Variants in TAFA2 observed in about 807,000 individuals in gnomAD.
TAFA2 encodes chemokine-like protein TAFA-2.
Under a neutral mutation model 18.8 loss-of-function variants are expected in TAFA2, and 7 were observed. That is an observed-to-expected ratio of 0.37 (90% CI 0.21 to 0.70). The LOEUF (loss-of-function observed/expected upper bound fraction) is 0.70, where lower values mean the gene tolerates loss of function less well. Ranked by LOEUF, TAFA2 falls within the 30% of genes least tolerant of loss-of-function variation. The probability of loss-of-function intolerance (pLI) is 0.53; values close to 1 mark genes in which losing one functional copy is unlikely to be tolerated. For synonymous variants in TAFA2, 60 were observed against 54.2 expected, an observed-to-expected ratio of 1.11 and a Z score of -0.47; for missense variants, 122 against 158.1, an observed-to-expected ratio of 0.77 and a Z score of 1.23.
chr12:62,155,049 A>C (rs1006206081), intron 1 of TAFA2, among the ~76,000 whole-genome samples: 2 of 152,126 alleles, frequency 1.3e-5, no homozygotes, highest in East Asian at 3.9e-4. Context: ...GAAACCCCTA[A>C]AGACTCCTCC....
At chr12:61,853,685 C>T (rs1267823960) in intron 2 of TAFA2, among the ~76,000 whole-genome samples, 1 of 152,156 alleles carries the variant, frequency 6.6e-6, no homozygotes, top group Non-Finnish European at 1.5e-5. Flanking sequence ...CATCATTCCA[C>T]ATCAGTGTGT....
chr12:61,806,495 C>A (rs547704840), intron 2 of TAFA2, among the ~76,000 whole-genome samples: 2 of 152,238 alleles, frequency 1.3e-5, no homozygotes, highest in African/African-American at 4.8e-5. Flanking sequence ...TGAAAACAGA[C>A]TAATACCATA....
At chr12:61,972,061 T>TTTTG (rs35406037) in intron 1 of TAFA2, among the ~76,000 whole-genome samples, 16,919 of 151,448 alleles carry the variant, frequency 0.11, 999 homozygotes, top group East Asian at 0.22. Context: ...TTTGTGGGGT[T>TTTTG]TTTGTTTGTT....
chr12:62,089,445 C>T (rs1165218178), intron 1 of TAFA2, among the ~76,000 whole-genome samples: 1 of 152,012 alleles, frequency 6.6e-6, no homozygotes, highest in Non-Finnish European at 1.5e-5. Context: ...TGCCCAGGGA[C>T]TCAAAGCTGA....
intron 1 of TAFA2, among the ~76,000 whole-genome samples, chr12:62,160,417 C>T (rs1005321425): frequency 1.2e-4 from 18 of 152,208 alleles, no homozygotes; most frequent in African/African-American, 4.1e-4. Flanking sequence ...GTTCATACTT[C>T]TATTAAAGGC....
At chr12:61,730,792 C>A (rs540540265) in intron 4 of TAFA2, among the ~76,000 whole-genome samples, 1 of 152,218 alleles carries the variant, frequency 6.6e-6, no homozygotes, top group East Asian at 1.9e-4. Context: ...AAATTTACAT[C>A]CAGGCCTTCA....
At chr12:61,779,187 C>G (rs946059879) in intron 2 of TAFA2, among the ~76,000 whole-genome samples, 44 of 151,776 alleles carry the variant, frequency 2.9e-4, no homozygotes, top group African/African-American at 1.0e-3. Context: ...TTAAATTATG[C>G]TTAAAAGATA....
intron 1 of TAFA2, among the ~76,000 whole-genome samples, chr12:62,050,863 T>C (rs1330790919): frequency 1.3e-5 from 2 of 152,172 alleles, no homozygotes; most frequent in Non-Finnish European, 2.9e-5. Flanking sequence ...ACACTATAAA[T>C]TACAGTTTTA....
At position 61,755,905 on chromosome 12, in the gene TAFA2, C is replaced by T. The variant is rs145787313; in HGVS notation, c.107-881G>A. ...TGTGAAAAGATAAAACTTTTGCCTG[C>T]TAAAATTAAAAACAGCTTAAAATCA... is the stretch of plus-strand genomic sequence containing the variant. On this transcript the variant is annotated intron_variant, in intron 2 of 4. Transcript: ENST00000416284. Among the ~76,000 whole-genome samples, 1,316 of 151,932 alleles carry T rather than the reference C, an allele frequency of 8.7e-3. 14 individuals are homozygous for T. Among genetic ancestry groups the T allele is most frequent in the Non-Finnish European group, 0.012 (812 of 67,926 alleles).
intron 1 of TAFA2, among the ~76,000 whole-genome samples, chr12:62,123,920 T>C (rs895047746): frequency 3.9e-5 from 6 of 152,098 alleles, no homozygotes; most frequent in Non-Finnish European, 7.4e-5. Flanking sequence ...CAGACAAGTC[T>C]GTAGAGTTAG....
intron 1 of TAFA2, among the ~76,000 whole-genome samples, chr12:62,040,671 T>C (rs1881733032): frequency 6.6e-6 from 1 of 152,064 alleles, no homozygotes; most frequent in African/African-American, 2.4e-5. Flanking sequence ...TAACAACACA[T>C]TTCTGTTATT....
chr12:62,229,847 TTTGTTGTTGTTGTTG>T (rs372113384), intron 1 of TAFA2, among the ~76,000 whole-genome samples: 2 of 151,482 alleles, frequency 1.3e-5, no homozygotes, highest in Admixed American at 1.3e-4. Context: ...GTCCTGGATT[TTTGTTGTTGTTGTTG>T]TTGTTGTTGT....
chr12:62,165,124 TC>T (rs2062430351), intron 1 of TAFA2, among the ~76,000 whole-genome samples: 1 of 152,140 alleles, frequency 6.6e-6, no homozygotes, highest in Non-Finnish European at 1.5e-5. Context: ...ACTTCACATA[TC>T]TTCAGATAGC....
At chr12:61,761,171 G>A (rs1869529627) in intron 2 of TAFA2, among the ~76,000 whole-genome samples, 1 of 151,826 alleles carries the variant, frequency 6.6e-6, no homozygotes, top group Non-Finnish European at 1.5e-5. Flanking sequence ...TATTATGACT[G>A]GTATATTTTG....
intron 1 of TAFA2, among the ~76,000 whole-genome samples, chr12:62,010,905 T>C (rs1285737298): frequency 9.7e-6 from 1 of 103,528 alleles, no homozygotes; most frequent in Non-Finnish European, 1.9e-5. Flanking sequence ...GGAGCGCCTC[T>C]GCCCGGCCGC....
chr12:62,187,594 T>C (rs956062288), intron 1 of TAFA2, among the ~76,000 whole-genome samples: 1 of 152,210 alleles, frequency 6.6e-6, no homozygotes, highest in Non-Finnish European at 1.5e-5. Flanking sequence ...CACATTCCAA[T>C]ATGTCTAACT....
intron 2 of TAFA2, among the ~76,000 whole-genome samples, chr12:61,816,038 T>G (rs1445333060): frequency 1.3e-5 from 2 of 151,318 alleles, no homozygotes; most frequent in Non-Finnish European, 2.9e-5. Context: ...TTTTAAACTT[T>G]TAGGCTTGAG....
rs377752444 is a variant in TAFA2 at position 62,157,628 on chromosome 12, T to A, written c.-2+33631A>T. ...CCCAGATCAGGGCTTTTGCACTTGC[T>A]GTCCGCTCCTCAGTTTTCTACATGG... On this transcript the variant is annotated intron_variant, in intron 1 of 4. Transcript: ENST00000416284. 2.6e-5 allele frequency among the ~76,000 whole-genome samples: 4 copies of A among 152,206 alleles called. No individual in the cohort carries two copies. The East Asian group carries it at 7.7e-4, about 29-fold the overall frequency.
chr12:61,765,807 A>G (rs1221305427), intron 2 of TAFA2, among the ~76,000 whole-genome samples: 2 of 152,108 alleles, frequency 1.3e-5, no homozygotes, highest in African/African-American at 4.8e-5. Flanking sequence ...AGATTTTTTT[A>G]GAGACTTAAA....
Sources: gnomAD v4.1 joint callset for allele counts (sites outside exome capture counted in the v4.1 genomes callset) on GRCh38, gnomAD v4.1.1 for gene constraint, MANE v1.5 for transcripts, NCBI Gene and HGNC (gene_info 2026-07-23, HGNC 2026-07-21) for gene names.